Variants in BICRA observed in about 807,000 individuals in gnomAD.
BICRA encodes the protein BRD4-interacting chromatin-remodeling complex-associated protein.
Under a neutral mutation model 96.9 loss-of-function variants are expected in BICRA, and 31 were observed. The observed-to-expected ratio is 0.32, with a 90% CI of 0.24 to 0.43. The LOEUF (loss-of-function observed/expected upper bound fraction) is 0.43. Ranked by LOEUF, BICRA falls within the 20% of genes least tolerant of loss-of-function variation. The pLI, the probability that BICRA is intolerant of heterozygous loss-of-function variation, is 1.00. For missense variants in BICRA, 2,283 were observed against 2,190.3 expected, an observed-to-expected ratio of 1.04 and a Z score of -0.84; for synonymous variants, 1,350 against 1,071.8, an observed-to-expected ratio of 1.26 and a Z score of -5.07.
In BICRA at chr19:47,680,369, T is replaced by C; in HGVS notation, c.1199T>C (p.Met400Thr). 1 of 1,530,296 alleles carries C rather than the reference T, an allele frequency of 6.5e-7. No individual in the cohort carries two copies. The highest frequency in any genetic ancestry group is 1.2e-5 in the South Asian group (1 of 83,584). The allele number at this position is 1,530,296 out of a possible 1,614,324, so 94.8% of individuals were successfully genotyped here. ...AAGGCCCCGCAGAACCTGACGTTCA[T>C]GGCGGCGGGGAAGGCGGGCCAGAAC... ...QPKAPQNLTF[M>T]AAGKAGQNVV... is the part of the protein sequence containing the mutation. Residue 400 changes from methionine (M) to threonine (T), a missense_variant, in exon 6 of 15, where the codon ATG becomes ACG. Met to Thr is a moderately conservative substitution (Grantham distance 81, BLOSUM62 -1). Transcript: ENST00000594866.
At chr19:47,649,255 G>A (rs1036837461) in intron 1 of BICRA, among the ~76,000 whole-genome samples, 4 of 152,160 alleles carry the variant, frequency 2.6e-5, no homozygotes, top group Non-Finnish European at 4.4e-5. Context: ...CCAAAGGCTC[G>A]GATTACAGGC....
chr19:47,696,316 TA>T, intron 10 of BICRA, 134 bp from the exon 11 acceptor site: 1 of 732,118 alleles, frequency 1.4e-6, no homozygotes, highest in Non-Finnish European at 2.3e-6. Flanking sequence ...GGGGATCCTG[TA>T]GCTGGGGCCA....
intron 7 of BICRA, among the ~76,000 whole-genome samples, chr19:47,684,243 C>A (rs1393698117): frequency 6.6e-6 from 1 of 152,098 alleles, no homozygotes; most frequent in Non-Finnish European, 1.5e-5. Flanking sequence ...AGTGCAGTGG[C>A]AAGATCTCGG....
chr19:47,669,168 TC>T lies in BICRA; in HGVS notation c.-107-1273del, dbSNP rs200171672. Among the ~76,000 whole-genome samples, 111 of 152,152 alleles carry T rather than the reference TC, an allele frequency of 7.3e-4. 1 individual carries two copies. In the East Asian group the frequency reaches 9.1e-3, roughly 12 times the overall value. On this transcript the variant is annotated intron_variant, in intron 1 of 14. Transcript: ENST00000594866. ...CAAGCAGGGTGCAGAAATCTAGTGTTCCTAAGGGCAGTGAGGCTGTGATGTG... is the reference window on the plus strand; with the variant it reads ...CAAGCAGGGTGCAGAAATCTAGTGTTCTAAGGGCAGTGAGGCTGTGATGTG...
chr19:47,608,836 A>AGAGGAGGAG (rs554119282), upstream of BICRA, among the ~76,000 whole-genome samples: 300 of 144,470 alleles, frequency 2.1e-3, 1 homozygote, highest in Non-Finnish European at 2.1e-3. Flanking sequence ...GGCGGAGGGA[A>AGAGGAGGAG]GAGGAGGAGG....
intron 14 of BICRA, chr19:47,700,319 C>G (rs1344646453): frequency 6.6e-6 from 1 of 152,038 alleles, no homozygotes; most frequent in African/African-American, 2.4e-5. Flanking sequence ...TGAGCTCACT[C>G]CAGCCTGGGC....
At chr19:47,663,940 T>G (rs1322168746) in intron 1 of BICRA, 1 of 152,174 alleles carries the variant, frequency 6.6e-6, no homozygotes, top group African/African-American at 2.4e-5. Context: ...ACCTGCTAAT[T>G]TGATTTCACA....
At position 47,701,511 on chromosome 19, in the gene BICRA, C is replaced by A. The variant is rs1187668282; in HGVS notation, c.3779C>A (p.Thr1260Asn). 1.0e-5 allele frequency: 16 copies of A among 1,548,580 alleles called. No homozygotes were observed. Among genetic ancestry groups the A allele is most frequent in the Non-Finnish European group, 1.4e-5 (16 of 1,147,028 alleles). The change falls in exon 15 of 15, where the codon ACC (threonine) becomes AAC (asparagine). Residue 1260 changes from threonine to asparagine, a missense_variant. Physicochemically the swap from Thr to Asn is moderately conservative, Grantham distance 65. Transcript: ENST00000594866. The surrounding 1 kb of genome is among the most constrained non-coding windows in gnomAD (Gnocchi z 5.4). The part of the protein sequence containing the change: ...HGGAGGSPSV[T>N]WARASSSLSS... The stretch of plus-strand genomic sequence containing the variant: ...GGGGCAGGCGGCTCCCCTTCGGTCA[C>A]CTGGGCCCGGGCGTCCTCCTCCCTG...
intron 1 of BICRA, among the ~76,000 whole-genome samples, chr19:47,645,291 T>C (rs1416396550): frequency 6.6e-6 from 1 of 151,988 alleles, no homozygotes; most frequent in African/African-American, 2.4e-5. Context: ...GTGTAGAACG[T>C]CTCTCATTTT....
At position 47,694,118 on chromosome 19, in the gene BICRA, C is replaced by CCGGCAG. The variant is rs1396474281; in HGVS notation, c.2292_2297dup (p.Ala765_Ala766dup). 4.0e-6 allele frequency: 6 copies of CCGGCAG among 1,487,246 alleles called. No individual in the cohort carries two copies. In the South Asian group the frequency reaches 7.6e-5, roughly 19 times the overall value. The allele number at this position is 1,487,246 out of a possible 1,614,324, so 92.1% of individuals were successfully genotyped here. A position where few individuals can be genotyped will look rare whatever the true frequency, so the allele number is the denominator to read the frequency against. On this transcript the variant is annotated inframe_insertion, in exon 8 of 15. Transcript: ENST00000594866. ...TCTCCCTCCCTCCCCTGCCCAGATC[C>CCGGCAG]CGGCAGCGGCTCCGCTGAAGGGCCC...
chr19:47,680,044 A>C lies in BICRA; in HGVS notation c.874A>C (p.Asn292His). The C allele has an allele frequency of 6.4e-7, 1 of 1,553,300 alleles. No individual in the cohort carries two copies. Among genetic ancestry groups the C allele is most frequent in the African/African-American group, 1.4e-5 (1 of 72,210 alleles). Residue 292 changes from asparagine (N) to histidine (H), a missense_variant, in exon 6 of 15, where the codon AAC becomes CAC. By Grantham distance (68) the Asn-to-His change is moderately conservative. Coordinates refer to ENST00000594866, the MANE Select transcript of BICRA (RefSeq NM_001394372.1). ...GGGGGCTGGCCTGGTCATCCAGAAG[A>C]ACCTCTCGGCCGCTGTGGCCACCAC... ...PQGAGLVIQK[N>H]LSAAVATTLN... is the part of the protein sequence containing the mutation.
At chr19:47,629,044 C>T (rs1301508796) in intron 1 of BICRA, among the ~76,000 whole-genome samples, 2 of 152,150 alleles carry the variant, frequency 1.3e-5, no homozygotes. Flanking sequence ...CTGTGTTGCC[C>T]AGGCTGGAGT....
Position 47,702,359 on chromosome 19 carries a change from G to T in BICRA, c.4627G>T (p.Ala1543Ser), listed in dbSNP as rs749159126. Reference sequence around the variant, plus strand: ...CCCGCCGCCCCTGCACAGGCCCGAGGCCTACCCACCCTCCAGTCACAACGG... The same window carrying T: ...CCCGCCGCCCCTGCACAGGCCCGAGTCCTACCCACCCTCCAGTCACAACGG... Reference protein sequence around the residue: ...ASPPPLHRPEAYPPSSHNGGL... With the variant: ...ASPPPLHRPESYPPSSHNGGL... Residue 1543 changes from alanine to serine, a missense_variant, in exon 15 of 15, where the codon GCC becomes TCC. Physicochemically the swap from Ala to Ser is moderately conservative, Grantham distance 99. Transcript: ENST00000594866. 13 of 1,532,334 alleles carry T rather than the reference G, an allele frequency of 8.5e-6. No homozygotes were observed. Among genetic ancestry groups the T allele is most frequent in the Non-Finnish European group, 9.6e-6 (11 of 1,151,132 alleles). 94.9% of individuals were successfully genotyped at this position (1,532,334 alleles called of 1,614,324 possible).
rs1238674396 is a variant in BICRA at position 47,699,426 on chromosome 19, G to A, written c.3595+21G>A. On this transcript the variant is annotated intron_variant, in intron 14 of 14. Transcript: ENST00000594866. This position sits in a 1 kb window ranked among gnomAD's most constrained non-coding sequence, Gnocchi z 5.0. ...GCCGGGTGAGAGGGGGGAGTGAGAGGGGAGGGGAGGGAGAGGTGCCCCCAC... is the reference window on the plus strand; with the variant it reads ...GCCGGGTGAGAGGGGGGAGTGAGAGAGGAGGGGAGGGAGAGGTGCCCCCAC... 2 of 1,342,322 alleles carry A rather than the reference G, an allele frequency of 1.5e-6. No homozygotes were observed. Among genetic ancestry groups the A allele is most frequent in the African/African-American group, 1.4e-5 (1 of 69,156 alleles). The allele number at this position is 1,342,322 out of a possible 1,614,324, so 83.2% of individuals were successfully genotyped here.
Position 47,636,504 on chromosome 19 carries a change from G to A in BICRA, c.-108+27336G>A, listed in dbSNP as rs148059660. Among the ~76,000 whole-genome samples the A allele has an allele frequency of 6.8e-3, 1,040 of 152,078 alleles. 16 individuals carry two copies. The highest frequency in any genetic ancestry group is 0.024 in the African/African-American group (989 of 41,466). On this transcript the variant is annotated intron_variant, in intron 1 of 14. Coordinates refer to ENST00000594866, the MANE Select transcript of BICRA (RefSeq NM_001394372.1). ...TGGGATTACAGATGTGAGCTACTGC[G>A]CCCAGCCTGTATTATTAATATTATT...
rs756552007 is a variant in BICRA at position 47,695,452 on chromosome 19, C to G, written c.3164C>G (p.Pro1055Arg). 1.3e-6 allele frequency: 2 copies of G among 1,579,950 alleles called. No individual in the cohort carries two copies. Among genetic ancestry groups the G allele is most frequent in the Non-Finnish European group, 1.7e-6 (2 of 1,157,476 alleles). The change falls in exon 10 of 15, where the codon CCA becomes CGA. Residue 1055 changes from proline (P) to arginine (R), a missense_variant. Coordinates refer to ENST00000594866, the MANE Select transcript of BICRA (RefSeq NM_001394372.1). ...GTGGCCAAGGCCGCTTCCTCCGGGC[C>G]AGGGAAGCCCTCCGGGCTGCAGGTA... ...LNVAKAASSG[P>R]GKPSGLQYES...
chr19:47,679,711 C>G lies in BICRA; in HGVS notation c.541C>G (p.Leu181Val). ...GCCTACCGTGCTGACCCACCAGGCC[C>G]TGGTGCCGCCCCAGGACGTGGTCAA... ...GPPTVLTHQA[L>V]VPPQDVVNKA... The change falls in exon 6 of 15, where the codon CTG becomes GTG. Residue 181 changes from leucine to valine, a missense_variant. Leu to Val is a conservative substitution (Grantham distance 32, BLOSUM62 1). Coordinates refer to ENST00000594866, the MANE Select transcript of BICRA (RefSeq NM_001394372.1). The G allele has an allele frequency of 2.0e-6, 3 of 1,535,976 alleles. No homozygotes were observed. The highest frequency in any genetic ancestry group is 2.6e-6 in the Non-Finnish European group (3 of 1,142,508).
chr19:47,651,227 G>T (rs1972535786), intron 1 of BICRA, among the ~76,000 whole-genome samples: 1 of 152,042 alleles, frequency 6.6e-6, no homozygotes, highest in Admixed American at 6.6e-5. Context: ...TCAGCCCTGG[G>T]CTCACCTGGA....
At chr19:47,679,186 C>T (rs753043197) in intron 5 of BICRA, 135 bp from the exon 6 acceptor site, 13 of 546,398 alleles carry the variant, frequency 2.4e-5, no homozygotes, top group Non-Finnish European at 3.6e-5. Flanking sequence ...CAAGCGTGAA[C>T]CACCATGCCA....
Sources: allele counts gnomAD v4.1 joint callset (sites outside exome capture counted in the v4.1 genomes callset), GRCh38; gene constraint gnomAD v4.1.1; non-coding constraint Gnocchi (gnomAD v3.1); transcripts MANE v1.5; gene names NCBI Gene and HGNC (gene_info 2026-07-23, HGNC 2026-07-21).